BAZ2B: variants seen among roughly 807,000 people sequenced by gnomAD.
BAZ2B encodes bromodomain adjacent to zinc finger domain protein 2B.
A neutral mutation model predicts 246.0 loss-of-function variants in BAZ2B; 91 were observed. That is an observed-to-expected ratio of 0.37 (90% confidence interval 0.31 to 0.44). BAZ2B has a LOEUF of 0.44. Among genes scored for constraint, BAZ2B ranks in the 20% least tolerant of loss-of-function variants. The probability of loss-of-function intolerance (pLI) is 1.00; values close to 1 mark genes in which losing one functional copy is unlikely to be tolerated. For missense variants in BAZ2B, 2,332 were observed against 2,533.7 expected, an observed-to-expected ratio of 0.92 and a Z score of 1.71; for synonymous variants, 855 against 860.0, an observed-to-expected ratio of 0.99 and a Z score of 0.10.
At chr2:159,321,851 T>C (rs2062755352) in intron 36 of BAZ2B, 2 of 152,268 alleles carry the variant, frequency 1.3e-5, no homozygotes, top group African/African-American at 2.4e-5. Flanking sequence ...AAGGAGACTA[T>C]AGTCAATCAT....
intron 30 of BAZ2B, 77 bp from the exon 31 acceptor site, chr2:159,347,723 T>C: frequency 7.8e-7 from 1 of 1,277,712 alleles, no homozygotes; most frequent in Non-Finnish European, 1.1e-6. Flanking sequence ...AGAAAGTGAA[T>C]AAAATTCTAG....
intron 13 of BAZ2B, among the ~76,000 whole-genome samples, chr2:159,418,905 C>T (rs976602008): frequency 6.6e-6 from 1 of 152,096 alleles, no homozygotes; most frequent in Non-Finnish European, 1.5e-5. Flanking sequence ...TCTATCTATC[C>T]CAGTCCTTGC....
At chr2:159,519,561 T>C (rs543094430) in intron 2 of BAZ2B, among the ~76,000 whole-genome samples, 1 of 151,620 alleles carries the variant, frequency 6.6e-6, no homozygotes, top group East Asian at 1.9e-4. Context: ...CAGGTTCTTA[T>C]GCTAGATGAG....
At chr2:159,584,349 T>A (rs1687561682) in intron 1 of BAZ2B, among the ~76,000 whole-genome samples, 1 of 152,132 alleles carries the variant, frequency 6.6e-6, no homozygotes, top group African/African-American at 2.4e-5. Flanking sequence ...CTCCATCTCT[T>A]GACCTCATGA....
intron 3 of BAZ2B, among the ~76,000 whole-genome samples, chr2:159,469,413 T>C (rs2077494183): frequency 6.6e-6 from 1 of 152,202 alleles, no homozygotes; most frequent in Non-Finnish European, 1.5e-5. Context: ...AATTGTTCTA[T>C]GCCTACATTT....
intron 2 of BAZ2B, among the ~76,000 whole-genome samples, chr2:159,543,549 T>C (rs1324085387): frequency 1.3e-5 from 2 of 150,414 alleles, no homozygotes; most frequent in African/African-American, 4.9e-5. Flanking sequence ...TTTTTTTTTT[T>C]TTTTTGAGAT....
At position 159,453,778 on chromosome 2, in the gene BAZ2B, C is replaced by A; in HGVS notation, c.169G>T (p.Asp57Tyr). The change falls in exon 4 of 37, where the codon GAT (aspartate) becomes TAT (tyrosine). Residue 57 changes from aspartate to tyrosine, a missense_variant. Transcript: ENST00000392783. ...PCGHLFRTAG[D>Y]QPFNLSTVSS... ...ACTGTGGACAGGTTAAACGGTTGAT[C>A]CCCAGCTGTTCTGAATAAATGTCCT... 1.2e-6 allele frequency: 2 copies of A among 1,607,704 alleles called. No homozygotes were observed. The highest frequency in any genetic ancestry group is 1.7e-6 in the Non-Finnish European group (2 of 1,176,902).
At chr2:159,487,514 T>G (rs1201024208) in intron 2 of BAZ2B, among the ~76,000 whole-genome samples, 1 of 152,216 alleles carries the variant, frequency 6.6e-6, no homozygotes, top group Non-Finnish European at 1.5e-5. Flanking sequence ...GCACTTTCAC[T>G]GTTCCCTGGT....
chr2:159,439,627 T>C (rs1349165068), intron 6 of BAZ2B, among the ~76,000 whole-genome samples: 1 of 152,188 alleles, frequency 6.6e-6, no homozygotes, highest in African/African-American at 2.4e-5. Flanking sequence ...ACCTATAACA[T>C]GCCACACACA....
chr2:159,648,519 T>A, the BAZ2B span, among the ~76,000 whole-genome samples: 1 of 152,208 alleles, frequency 6.6e-6, no homozygotes, highest in Non-Finnish European at 1.5e-5. Flanking sequence ...TGATTTGCTT[T>A]CAATCACAAT....
chr2:159,630,324 A>G, the BAZ2B span, among the ~76,000 whole-genome samples: 1 of 152,184 alleles, frequency 6.6e-6, no homozygotes, highest in Non-Finnish European at 1.5e-5. Context: ...CTGCATCTCA[A>G]AAAAACCAAA....
intron 2 of BAZ2B, among the ~76,000 whole-genome samples, chr2:159,539,414 C>CA (rs1222811975): frequency 1.4e-4 from 22 of 152,156 alleles, no homozygotes; most frequent in Admixed American, 1.4e-3. Context: ...AGAATGCAAC[C>CA]AAAAATATAA....
chr2:159,530,592 T>C (rs1255320180), intron 2 of BAZ2B, among the ~76,000 whole-genome samples: 2 of 152,200 alleles, frequency 1.3e-5, no homozygotes, highest in Non-Finnish European at 2.9e-5. Context: ...TATTGAGGAA[T>C]AACAACAGAG....
chr2:159,490,304 G>A (rs919429046), intron 2 of BAZ2B, among the ~76,000 whole-genome samples: 1 of 151,850 alleles, frequency 6.6e-6, no homozygotes, highest in African/African-American at 2.4e-5. Context: ...TTTAAAAAAT[G>A]GTCCAATTAT....
chr2:159,334,376 A>G (rs1380196605), intron 33 of BAZ2B, among the ~76,000 whole-genome samples: 1 of 152,198 alleles, frequency 6.6e-6, no homozygotes, highest in Non-Finnish European at 1.5e-5. Context: ...TTAACAATAT[A>G]AAGCATACTG....
At chr2:159,533,955 G>A (rs544072889) in intron 2 of BAZ2B, among the ~76,000 whole-genome samples, 1 of 152,268 alleles carries the variant, frequency 6.6e-6, no homozygotes, top group East Asian at 1.9e-4. Flanking sequence ...AAACTGAACT[G>A]TAATCTGAAA....
chr2:159,434,288 G>T (rs970690896), intron 8 of BAZ2B: 6 of 151,998 alleles, frequency 3.9e-5, no homozygotes, highest in African/African-American at 1.5e-4. Context: ...AGCCTCCCAA[G>T]TAGCTGGGAC....
At chr2:159,685,401 A>C in the BAZ2B span, among the ~76,000 whole-genome samples, 1 of 152,202 alleles carries the variant, frequency 6.6e-6, no homozygotes, top group South Asian at 2.1e-4. Flanking sequence ...TCAGCTCTTA[A>C]AATTTTTTTT....
chr2:159,672,110 T>G, the BAZ2B span, among the ~76,000 whole-genome samples: 1 of 152,186 alleles, frequency 6.6e-6, no homozygotes, highest in Non-Finnish European at 1.5e-5. Context: ...TATTTCATTT[T>G]CCATATAAAC....
Sources: gnomAD v4.1 joint callset for allele counts (sites outside exome capture counted in the v4.1 genomes callset) on GRCh38, gnomAD v4.1.1 for gene constraint, MANE v1.5 for transcripts, NCBI Gene and HGNC (gene_info 2026-07-23, HGNC 2026-07-21) for gene names.